The following MYO16 variants were observed in gnomAD, a reference collection of about 807,000 sequenced individuals.
MYO16 encodes the protein unconventional myosin-XVI.
In MYO16, 94 loss-of-function variants were observed where a neutral mutation model predicts 205.3. That is an observed-to-expected ratio of 0.46 (90% confidence interval 0.39 to 0.54). The LOEUF is 0.54. Ranked by LOEUF, MYO16 falls within the 20% of genes least tolerant of loss-of-function variation. The pLI is 0.00. For missense variants in MYO16, 2,315 were observed against 2,387.5 expected, an observed-to-expected ratio of 0.97 and a Z score of 0.63; for synonymous variants, 988 against 954.0, an observed-to-expected ratio of 1.04 and a Z score of -0.66.
chr13:109,037,038 G>A (rs1229072619), intron 23 of MYO16, among the ~76,000 whole-genome samples: 1 of 152,202 alleles, frequency 6.6e-6, no homozygotes, highest in African/African-American at 2.4e-5. Flanking sequence ...ACAGCAGAGA[G>A]CAGACCTTTG....
chr13:108,711,653 A>G lies in MYO16; in HGVS notation c.293-1008A>G, dbSNP rs145631063. Among the ~76,000 whole-genome samples, 53 of 152,354 alleles carry G rather than the reference A, an allele frequency of 3.5e-4. 1 individual carries two copies. In the East Asian group the frequency reaches 8.1e-3, roughly 23 times the overall value. ...TGTGATATGCAGTGAGATTTGGGGA[A>G]GATAGTCAGAGACTAGACATTGGAA... On this transcript the variant is annotated intron_variant, in intron 2 of 34. Coordinates refer to ENST00000457511, the MANE Select transcript of MYO16 (RefSeq NM_001198950.3).
rs527903317 is a variant in MYO16 at position 109,166,043 on chromosome 13, T to G, written c.5323+984T>G. Among the ~76,000 whole-genome samples the G allele has an allele frequency of 2.6e-5, 4 of 152,160 alleles. No homozygotes were observed. In the South Asian group the frequency reaches 8.3e-4, roughly 32 times the overall value. On this transcript the variant is annotated intron_variant, in intron 33 of 34. Coordinates refer to ENST00000457511, the MANE Select transcript of MYO16 (RefSeq NM_001198950.3). Reference sequence around the variant, plus strand: ...GGCTTCAAAACATTCATAGAAACCATTTTTCAAATGCAAAGTCCAACACAG... The same window carrying G: ...GGCTTCAAAACATTCATAGAAACCAGTTTTCAAATGCAAAGTCCAACACAG...
At chr13:109,197,062 A>G (rs1880191526) in intron 34 of MYO16, among the ~76,000 whole-genome samples, 1 of 152,150 alleles carries the variant, frequency 6.6e-6, no homozygotes, top group Non-Finnish European at 1.5e-5. Flanking sequence ...CTTAACCCTA[A>G]GGCACTGCAT....
At chr13:108,819,731 A>G (rs952789280) in intron 7 of MYO16, among the ~76,000 whole-genome samples, 4 of 152,110 alleles carry the variant, frequency 2.6e-5, no homozygotes, top group African/African-American at 4.8e-5. Context: ...TTGAGACTGC[A>G]TTTTTCTAAT....
At chr13:109,005,373 G>A (rs1594462458) in intron 21 of MYO16, among the ~76,000 whole-genome samples, 1 of 152,134 alleles carries the variant, frequency 6.6e-6, no homozygotes, top group South Asian at 2.1e-4. Flanking sequence ...CCATTGGGAA[G>A]GGTGGTAGTC....
intron 4 of MYO16, among the ~76,000 whole-genome samples, chr13:108,729,437 T>C (rs888774831): frequency 3.3e-5 from 5 of 152,218 alleles, no homozygotes; most frequent in Non-Finnish European, 5.9e-5. Context: ...AACTAGCTGC[T>C]TTAATTATAA....
At chr13:109,043,211 A>G (rs990571868) in intron 23 of MYO16, among the ~76,000 whole-genome samples, 2 of 152,210 alleles carry the variant, frequency 1.3e-5, no homozygotes, top group Non-Finnish European at 2.9e-5. Flanking sequence ...ATTGCATCCA[A>G]TAGACAAGGC....
At chr13:108,993,014 C>G (rs1884887503) in intron 21 of MYO16, among the ~76,000 whole-genome samples, 1 of 151,996 alleles carries the variant, frequency 6.6e-6, no homozygotes, top group Non-Finnish European at 1.5e-5. Flanking sequence ...TACCTAAAAA[C>G]TAAGTGTTAA....
In MYO16 at chr13:108,760,539, A is replaced by G. The variant is rs1388543609; in HGVS notation, c.508-25096A>G. ...TTGCTGGGGCAGTAAAAATATTTTTACTAGAAATATTCTTTATTTATGTGT... is the reference window on the plus strand; with the variant it reads ...TTGCTGGGGCAGTAAAAATATTTTTGCTAGAAATATTCTTTATTTATGTGT... On this transcript the variant is annotated intron_variant, in intron 4 of 34. Coordinates refer to ENST00000457511, the MANE Select transcript of MYO16 (RefSeq NM_001198950.3). Among the ~76,000 whole-genome samples, 4 of 151,588 alleles carry G rather than the reference A, an allele frequency of 2.6e-5. No homozygotes were observed. In the East Asian group the frequency reaches 7.7e-4, roughly 29 times the overall value.
chr13:108,993,042 C>G (rs1280372731), intron 21 of MYO16, among the ~76,000 whole-genome samples: 1 of 152,038 alleles, frequency 6.6e-6, no homozygotes, highest in African/African-American at 2.4e-5. Context: ...AGTAGAAATA[C>G]AACTCTCCTT....
chr13:109,109,401 G>A (rs562038465), intron 28 of MYO16, among the ~76,000 whole-genome samples: 1 of 152,150 alleles, frequency 6.6e-6, no homozygotes, highest in Non-Finnish European at 1.5e-5. Context: ...TCTATTTTAG[G>A]TTCAATGCAT....
At chr13:108,941,979 C>G (rs563932859) in intron 16 of MYO16, among the ~76,000 whole-genome samples, 1 of 151,466 alleles carries the variant, frequency 6.6e-6, no homozygotes, top group African/African-American at 2.4e-5. Flanking sequence ...TCTTAAATGC[C>G]TAAGAGTTAA....
chr13:109,155,500 A>G (rs897752426), intron 32 of MYO16, among the ~76,000 whole-genome samples: 1 of 152,160 alleles, frequency 6.6e-6, no homozygotes, highest in African/African-American at 2.4e-5. Flanking sequence ...CAACCTTTCC[A>G]AGGTCTGCAG....
intron 34 of MYO16, among the ~76,000 whole-genome samples, chr13:109,184,565 GA>G (rs35717061): frequency 6.6e-6 from 1 of 151,992 alleles, no homozygotes; most frequent in Non-Finnish European, 1.5e-5. Context: ...TAAATTTTGA[GA>G]AAATAAGAAG....
chr13:108,606,591 G>T (rs531111782), intron 1 of MYO16, among the ~76,000 whole-genome samples: 1 of 152,344 alleles, frequency 6.6e-6, no homozygotes, highest in South Asian at 2.1e-4. Flanking sequence ...AGGATGTATG[G>T]AAATGCCTGG....
chr13:108,772,280 G>T (rs1049246948), intron 4 of MYO16, among the ~76,000 whole-genome samples: 12 of 152,034 alleles, frequency 7.9e-5, no homozygotes, highest in Non-Finnish European at 1.6e-4. Flanking sequence ...AGCCTGGGAG[G>T]TTTAGCCTGC....
intron 2 of MYO16, among the ~76,000 whole-genome samples, chr13:108,685,679 A>G (rs1356114012): frequency 6.6e-6 from 1 of 152,164 alleles, no homozygotes; most frequent in African/African-American, 2.4e-5. Context: ...CTATCACAAA[A>G]TACCACAGCC....
intron 1 of MYO16, among the ~76,000 whole-genome samples, chr13:108,619,113 C>G (rs1566508451): frequency 1.3e-5 from 2 of 152,122 alleles, no homozygotes; most frequent in African/African-American, 4.8e-5. Context: ...TCATGTAAGA[C>G]TTTTATTTTG....
At chr13:109,070,448 G>A (rs1887889941) in intron 27 of MYO16, among the ~76,000 whole-genome samples, 1 of 152,114 alleles carries the variant, frequency 6.6e-6, no homozygotes, top group Admixed American at 6.5e-5. Context: ...TGTGTCTTAG[G>A]TGTAATGTTT....
Sources: allele counts gnomAD v4.1 joint callset (sites outside exome capture counted in the v4.1 genomes callset), GRCh38; gene constraint gnomAD v4.1.1; transcripts MANE v1.5; gene names NCBI Gene and HGNC (gene_info 2026-07-23, HGNC 2026-07-21).